Variants in GNL3L observed in about 807,000 individuals in gnomAD.
The protein encoded by GNL3L is G protein nucleolar 3 like.
Under a neutral mutation model 42.9 loss-of-function variants are expected in GNL3L, and 4 were observed. The ratio of observed to expected loss-of-function variants is 0.09; its 90% CI spans 0.05 to 0.21. The LOEUF is 0.21. GNL3L is among the 10% of genes least tolerant of loss of function. GNL3L has a pLI of 1.00. For synonymous variants in GNL3L, 159 were observed against 176.3 expected (o/e 0.90, Z 0.78); for missense variants, 412 against 481.7 (o/e 0.86, Z 1.36).
rs756517485 is a variant in GNL3L at position 54,585,845 on chromosome X, T to A, written c.*45+25198T>A. 3.6e-5 allele frequency among the ~76,000 whole-genome samples: 4 copies of A among 111,674 alleles called. No homozygotes were observed. In the East Asian group the frequency reaches 1.1e-3, roughly 31 times the overall value. On this transcript the variant is annotated intron_variant, in intron 16 of 16. Coordinates refer to the GNL3L transcript ENST00000674498. ...GTAAAGTTAGATTGTTTATTTGAGA[T>A]CTTTCTTTTTTGTCAATGTAGGTAT...
At chrX:54,639,778 T>G in the GNL3L span, among the ~76,000 whole-genome samples, 3 of 111,857 alleles carry the variant, frequency 2.7e-5, no homozygotes, top group Non-Finnish European at 5.7e-5. Context: ...ATGCGAACCA[T>G]TGACAATGAC....
chrX:54,554,661 A>G lies in GNL3L; in HGVS notation c.1415A>G (p.Asp472Gly). The G allele has an allele frequency of 1.7e-6, 2 of 1,207,077 alleles. No homozygotes were observed. The highest frequency in any genetic ancestry group is 1.7e-5 in the African/African-American group (1 of 57,624). ...LLHSPMTKIA[D>G]AIENKTTVYK... Reference sequence around the variant, plus strand: ...CATTCTCCGATGACGAAAATAGCAGATGCCATTGAAAATAAAACCACCGTG... The same window carrying G: ...CATTCTCCGATGACGAAAATAGCAGGTGCCATTGAAAATAAAACCACCGTG... The change falls in exon 14 of 16, where the codon GAT (aspartate) becomes GGT (glycine). Residue 472 changes from aspartate to glycine, a missense_variant. Coordinates refer to ENST00000360845, the MANE Select transcript of GNL3L (RefSeq NM_001184819.2).
rs990463229 is a variant in GNL3L at position 54,584,380 on chromosome X, A to G, written c.*45+23733A>G. ...ATGGATACATAATAGTTGCACATAT[A>G]TATGTGGTACATGTAATTTTTGATA... On this transcript the variant is annotated intron_variant, in intron 16 of 16. Transcript: ENST00000674498. Among the ~76,000 whole-genome samples, 6 of 111,609 alleles carry G rather than the reference A, an allele frequency of 5.4e-5. No individual in the cohort carries two copies. The South Asian group carries it at 1.9e-3, about 35-fold the overall frequency.
At chrX:54,532,232 C>T (rs1924269590) in intron 1 of GNL3L, among the ~76,000 whole-genome samples, 2 of 109,368 alleles carry the variant, frequency 1.8e-5, no homozygotes, top group Non-Finnish European at 3.8e-5. Flanking sequence ...CCAAAGACCC[C>T]ATCTGACCCC....
intron 1 of GNL3L, 142 bp downstream of exon 1, chrX:54,530,561 T>G (rs1171545204): frequency 9.0e-6 from 1 of 110,859 alleles, no homozygotes; most frequent in East Asian, 2.9e-4. Context: ...CCTAGAAAGG[T>G]GTAGACCCGG....
chrX:54,623,921 A>AT (rs113624737), downstream of GNL3L, among the ~76,000 whole-genome samples: 14,282 of 97,946 alleles, frequency 0.15, 1,705 homozygotes, highest in African/African-American at 0.39. Context: ...ATTCTTTGGG[A>AT]TTTTTTTTTT....
In GNL3L at chrX:54,566,428, TTTATA is replaced by T. The variant is rs1337088940; in HGVS notation, c.*5831_*5835del. 8.9e-6 allele frequency among the ~76,000 whole-genome samples: 1 copy of T among 111,783 alleles called. No individual in the cohort carries two copies. The highest frequency in any genetic ancestry group is 3.3e-5 in the African/African-American group (1 of 30,707). On this transcript the variant is annotated 3_prime_UTR_variant, in exon 16 of 16. Transcript: ENST00000360845. ...TGCATGTGTCTTTATGGCAGAATGATTTATATTATGCATAACCAAAACTGTACTTA... is the reference window on the plus strand; with the variant it reads ...TGCATGTGTCTTTATGGCAGAATGATTTATGCATAACCAAAACTGTACTTA...
intron 16 of GNL3L, among the ~76,000 whole-genome samples, chrX:54,574,328 A>AT (rs57554501): frequency 0.09 from 10,013 of 111,108 alleles, 605 homozygotes; most frequent in East Asian, 0.47. Flanking sequence ...TTGTTGAGAA[A>AT]TTTTTTTATC....
chrX:54,619,223 C>T (rs921559822), intron 16 of GNL3L, among the ~76,000 whole-genome samples: 17 of 110,144 alleles, frequency 1.5e-4, no homozygotes, highest in Non-Finnish European at 2.6e-4. Context: ...TGGAAATAAT[C>T]GAAATATCAA....
chrX:54,580,586 G>A (rs1391133395), intron 16 of GNL3L, among the ~76,000 whole-genome samples: 1 of 110,603 alleles, frequency 9.0e-6, no homozygotes, highest in Non-Finnish European at 1.9e-5. Context: ...GTGACTTCCA[G>A]TGTGGTTGAA....
At position 54,564,680 on chromosome X, in the gene GNL3L, A is replaced by G. The variant is rs1569542258; in HGVS notation, c.*4078A>G. ...CTCAGCCTCCCAAAGTGCTGGGATT[A>G]CAAGAGTGAGCCACTGCGCCTGGCC... is the stretch of plus-strand genomic sequence containing the variant. On this transcript the variant is annotated 3_prime_UTR_variant, in exon 16 of 16. Transcript: ENST00000360845. 9.5e-6 allele frequency among the ~76,000 whole-genome samples: 1 copy of G among 105,279 alleles called. No individual in the cohort carries two copies. Among genetic ancestry groups the G allele is most frequent in the African/African-American group, 3.5e-5 (1 of 28,734 alleles). The allele number at this position is 105,279 out of a possible 115,157, so 91.4% of individuals were successfully genotyped here. A position where few individuals can be genotyped will look rare whatever the true frequency, so the allele number is the denominator to read the frequency against.
intron 16 of GNL3L, among the ~76,000 whole-genome samples, chrX:54,607,025 T>C (rs745445755): frequency 0.025 from 1,556 of 63,341 alleles, 124 homozygotes; most frequent in African/African-American, 0.18. Context: ...TCTTTCTTTC[T>C]TTCTTTCTTT....
At chrX:54,632,649 G>T in the GNL3L span, among the ~76,000 whole-genome samples, 1 of 111,046 alleles carries the variant, frequency 9.0e-6, no homozygotes, top group Non-Finnish European at 1.9e-5. Context: ...TATTTCTCTG[G>T]AGATTTTCCT....
At chrX:54,624,294 C>A (rs1926326907), downstream of GNL3L, among the ~76,000 whole-genome samples, 2 of 111,725 alleles carry the variant, frequency 1.8e-5, no homozygotes, top group Admixed American at 9.5e-5. Flanking sequence ...TTACATCTTT[C>A]TGTATTAGTT....
intron 13 of GNL3L, among the ~76,000 whole-genome samples, 197 bp downstream of exon 13, chrX:54,552,625 G>A (rs1482824209): frequency 8.9e-6 from 1 of 111,949 alleles, no homozygotes; most frequent in Non-Finnish European, 1.9e-5. Context: ...CGGGTTGGGG[G>A]AGGGTGGTTG....
At chrX:54,556,061 G>A (rs900944724) in intron 14 of GNL3L, among the ~76,000 whole-genome samples, 33 of 111,031 alleles carry the variant, frequency 3.0e-4, no homozygotes, top group African/African-American at 1.1e-3. Context: ...AGGGGTCGAG[G>A]TTGGGACAGC....
chrX:54,634,787 CTTT>C, the GNL3L span, among the ~76,000 whole-genome samples: 2 of 51,589 alleles, frequency 3.9e-5, no homozygotes. Flanking sequence ...GCGCCCGGCT[CTTT>C]TTTTTTTTTT....
At chrX:54,542,462 GTA>G (rs1039506426) in intron 5 of GNL3L, among the ~76,000 whole-genome samples, 2 of 111,153 alleles carry the variant, frequency 1.8e-5, no homozygotes, top group African/African-American at 6.6e-5. Context: ...ATTCCATTGT[GTA>G]TATGTGCCAC....
chrX:54,630,691 TTC>T, the GNL3L span, among the ~76,000 whole-genome samples: 7 of 815 alleles, frequency 8.6e-3, no homozygotes, highest in East Asian at 0.33. Flanking sequence ...CCTTCCTTCC[TTC>T]CTTCCTTTCT....
Sources: gnomAD v4.1 joint callset for allele counts (sites outside exome capture counted in the v4.1 genomes callset) on GRCh38, gnomAD v4.1.1 for gene constraint, MANE v1.5 for transcripts, NCBI Gene and HGNC (gene_info 2026-07-23, HGNC 2026-07-21) for gene names.